Variants in ADGRV1 observed in about 807,000 individuals in gnomAD.
ADGRV1 encodes G-protein coupled receptor 98.
In ADGRV1, 359 loss-of-function variants were observed where a neutral mutation model predicts 596.2. The ratio of observed to expected loss-of-function variants is 0.60; its 90% CI spans 0.55 to 0.66. ADGRV1 has a LOEUF of 0.66. Ranked by LOEUF, ADGRV1 falls within the 30% of genes least tolerant of loss-of-function variation. The probability of loss-of-function intolerance (pLI) is 0.00; values close to 1 mark genes in which losing one functional copy is unlikely to be tolerated. For synonymous variants in ADGRV1, 2,681 were observed against 2,679.2 expected (o/e 1.00, Z -0.02); for missense variants, 7,274 against 7,575.6 (o/e 0.96, Z 1.48).
rs1463343928 is a variant in ADGRV1 at position 90,840,645 on chromosome 5, T to G, written c.16679T>G (p.Val5560Gly). ...ISPAISGKDF[V>G]ITEGTLVFEP... ...CCAGCTATTTCTGGAAAGGATTTTGTGATAACTGAAGGCACATTGGTCTTT... is the reference window on the plus strand; with the variant it reads ...CCAGCTATTTCTGGAAAGGATTTTGGGATAACTGAAGGCACATTGGTCTTT... Residue 5560 changes from valine (V) to glycine (G), a missense_variant, in exon 78 of 90, where the codon GTG (valine) becomes GGG (glycine). Transcript: ENST00000405460. 1 of 1,613,710 alleles carries G rather than the reference T, an allele frequency of 6.2e-7. No individual in the cohort carries two copies.
In ADGRV1 at chr5:90,625,152, CTGA is replaced by C. The variant is rs1764573901; in HGVS notation, c.585_587del (p.Asp195del). ...CAGGTAGAGGGTGGCCCAAATCCCC[CTGA>C]TGAAGATTTGAGTCCAGTTAAAGGA... On this transcript the variant is annotated inframe_deletion, in exon 6 of 90. Coordinates refer to ENST00000405460, the MANE Select transcript of ADGRV1 (RefSeq NM_032119.4). 1 of 1,611,506 alleles carries C rather than the reference CTGA, an allele frequency of 6.2e-7. No individual in the cohort carries two copies. Among genetic ancestry groups the C allele is most frequent in the East Asian group, 2.2e-5 (1 of 44,838 alleles).
Position 90,713,691 on chromosome 5 carries a change from T to C in ADGRV1, c.9184+1263T>C, listed in dbSNP as rs1328491836. ...GCTAATGTTATTCATTGTCATAAGA[T>C]GGTGATCAGGACCATTCTTCTGCAT... On this transcript the variant is annotated intron_variant, in intron 42 of 89. Coordinates refer to ENST00000405460, the MANE Select transcript of ADGRV1 (RefSeq NM_032119.4). 2.6e-5 allele frequency among the ~76,000 whole-genome samples: 4 copies of C among 152,266 alleles called. No individual in the cohort carries two copies. The East Asian group carries it at 7.7e-4, about 29-fold the overall frequency.
intron 85 of ADGRV1, among the ~76,000 whole-genome samples, chr5:91,042,344 C>T (rs1348500124): frequency 1.3e-5 from 2 of 152,132 alleles, no homozygotes; most frequent in East Asian, 1.9e-4. Flanking sequence ...TTCTTACAGC[C>T]ACCAAGTAAA....
chr5:90,846,170 T>C (rs552658004), intron 78 of ADGRV1, among the ~76,000 whole-genome samples: 2 of 152,246 alleles, frequency 1.3e-5, no homozygotes, highest in East Asian at 1.9e-4. Context: ...TAAAGTTACA[T>C]GTAAGTTACA....
chr5:90,823,130 GA>G (rs1561805090), intron 75 of ADGRV1, among the ~76,000 whole-genome samples: 2 of 152,008 alleles, frequency 1.3e-5, no homozygotes, highest in Non-Finnish European at 2.9e-5. Context: ...TTTCCTTCTC[GA>G]AAAATATTAT....
chr5:90,637,588 T>G (rs1766379200), intron 10 of ADGRV1, 137 bp from the exon 11 acceptor site: 1 of 470,774 alleles, frequency 2.1e-6, no homozygotes, highest in African/African-American at 1.9e-5. Flanking sequence ...TTTAATGCAT[T>G]TAATAGTTCG....
At position 90,729,719 on chromosome 5, in the gene ADGRV1, G is replaced by T. The variant is rs371413954; in HGVS notation, c.10504G>T (p.Ala3502Ser). 1.2e-6 allele frequency: 2 copies of T among 1,612,640 alleles called. No homozygotes were observed. The highest frequency in any genetic ancestry group is 1.1e-5 in the South Asian group (1 of 90,976). ...CAGGTATTTTCAGTCTGTAGATTTT[G>T]CTGCTGTTAACAGAATCCACTCCTT... Reference protein sequence around the residue: ...SFRYFQSVDFAAVNRIHSFTP... With the variant: ...SFRYFQSVDFSAVNRIHSFTP... The change falls in exon 50 of 90, where the codon GCT becomes TCT. Residue 3502 changes from alanine (A) to serine (S), a missense_variant. Ala to Ser is a moderately conservative substitution (Grantham distance 99, BLOSUM62 1). This residue lies in a region of ADGRV1 where 3,643 missense variants were observed against 3,809.2 expected (regional missense o/e 0.96). Coordinates refer to ENST00000405460, the MANE Select transcript of ADGRV1 (RefSeq NM_032119.4).
chr5:91,144,540 A>C (rs902473520), intron 87 of ADGRV1, among the ~76,000 whole-genome samples: 11 of 152,172 alleles, frequency 7.2e-5, no homozygotes, highest in African/African-American at 2.2e-4. Flanking sequence ...TCCTGGTCTC[A>C]AGTGATCTTC....
chr5:91,025,307 A>G (rs1039055934), intron 85 of ADGRV1, among the ~76,000 whole-genome samples: 3 of 151,838 alleles, frequency 2.0e-5, no homozygotes, highest in African/African-American at 7.3e-5. Flanking sequence ...ATGTTACAGA[A>G]GCAATAATAT....
At chr5:90,892,748 A>G (rs1003267569) in intron 83 of ADGRV1, among the ~76,000 whole-genome samples, 2 of 152,156 alleles carry the variant, frequency 1.3e-5, no homozygotes, top group Non-Finnish European at 2.9e-5. Context: ...ATTTTTGTTA[A>G]TGAAGCATAT....
intron 1 of ADGRV1, among the ~76,000 whole-genome samples, chr5:90,591,863 CA>C (rs1323806551): frequency 2.0e-5 from 3 of 152,190 alleles, no homozygotes; most frequent in Admixed American, 6.5e-5. Flanking sequence ...TACATTATTT[CA>C]GTGAATCCTC....
At chr5:91,151,800 G>T (rs1164605093) in intron 88 of ADGRV1, among the ~76,000 whole-genome samples, 2 of 152,218 alleles carry the variant, frequency 1.3e-5, no homozygotes, top group African/African-American at 4.8e-5. Context: ...CCATATTGGA[G>T]AACACAGATA....
chr5:90,917,682 G>A (rs1190120250), intron 83 of ADGRV1, among the ~76,000 whole-genome samples: 2 of 152,128 alleles, frequency 1.3e-5, no homozygotes, highest in Non-Finnish European at 1.5e-5. Flanking sequence ...GAATAAACCA[G>A]CTAGAGTCTC....
rs1204291055 is a variant in ADGRV1 at position 90,675,530 on chromosome 5, G to A, written c.5313+85G>A. Reference sequence around the variant, plus strand: ...TCTGGAAGGGATATACACTGTACCTGGAACATAGTGACTCACGCCTGTAAT... The same window carrying A: ...TCTGGAAGGGATATACACTGTACCTAGAACATAGTGACTCACGCCTGTAAT... On this transcript the variant is annotated intron_variant, in intron 24 of 89. Transcript: ENST00000405460. The A allele has an allele frequency of 1.7e-5, 22 of 1,269,540 alleles. No homozygotes were observed. In the Admixed American group the frequency reaches 4.4e-4, roughly 25 times the overall value. The allele number at this position is 1,269,540 out of a possible 1,614,324, so 78.6% of individuals were successfully genotyped here.
intron 9 of ADGRV1, among the ~76,000 whole-genome samples, chr5:90,631,889 A>G (rs1045676871): frequency 1.3e-5 from 2 of 152,244 alleles, no homozygotes; most frequent in Admixed American, 1.3e-4. Flanking sequence ...CTCTGACTTT[A>G]TACAAAAACA....
Position 90,982,906 on chromosome 5 carries a change from G to A in ADGRV1, c.17974-2438G>A, listed in dbSNP as rs10052355. ...ATGAGCTAGGCATTTGTCCAAAAAT[G>A]TGCCTACCACACTACATTAAAATAA... On this transcript the variant is annotated intron_variant, in intron 84 of 89. Coordinates refer to ENST00000405460, the MANE Select transcript of ADGRV1 (RefSeq NM_032119.4). Among the ~76,000 whole-genome samples the A allele has an allele frequency of 5.3e-3, 802 of 152,304 alleles. 2 individuals carry two copies. The highest frequency in any genetic ancestry group is 8.4e-3 in the Non-Finnish European group (574 of 68,022).
At chr5:90,994,787 G>A (rs1002995769) in intron 85 of ADGRV1, among the ~76,000 whole-genome samples, 3 of 152,106 alleles carry the variant, frequency 2.0e-5, no homozygotes, top group Non-Finnish European at 2.9e-5. Flanking sequence ...TTTGTCACAC[G>A]TGGCCACTGA....
intron 17 of ADGRV1, among the ~76,000 whole-genome samples, chr5:90,650,694 A>G (rs998060509): frequency 1.3e-5 from 2 of 152,002 alleles, no homozygotes; most frequent in Admixed American, 1.3e-4. Context: ...CAATGAGCTT[A>G]TAGTAAAATT....
chr5:91,007,183 T>C (rs566647182), intron 85 of ADGRV1, among the ~76,000 whole-genome samples: 1 of 152,340 alleles, frequency 6.6e-6, no homozygotes, highest in South Asian at 2.1e-4. Context: ...GTTGAACATA[T>C]TGCTGGGGCC....
Sources: allele counts gnomAD v4.1 joint callset (sites outside exome capture counted in the v4.1 genomes callset), GRCh38; gene constraint gnomAD v4.1.1; regional missense constraint gnomAD v4.1.1; transcripts MANE v1.5; gene names NCBI Gene and HGNC (gene_info 2026-07-23, HGNC 2026-07-21).